The following ROBO1 variants were observed in gnomAD, a reference collection of about 807,000 sequenced individuals.
The protein encoded by ROBO1 is roundabout homolog 1.
In ROBO1, 149 loss-of-function variants were observed where a neutral mutation model predicts 195.9. The ratio of observed to expected loss-of-function variants is 0.76; its 90% confidence interval spans 0.67 to 0.87. The LOEUF (loss-of-function observed/expected upper bound fraction) is 0.87. Among genes scored for constraint, ROBO1 ranks in the 40% least tolerant of loss-of-function variants. ROBO1 has a pLI of 0.00. For missense variants in ROBO1, 1,933 were observed against 2,068.3 expected (o/e 0.93, Z 1.27); for synonymous variants, 816 against 733.2 (o/e 1.11, Z -1.82).
In ROBO1 at chr3:78,747,439, A is replaced by T. The variant is rs142949746; in HGVS notation, c.500-539T>A. Among the ~76,000 whole-genome samples, 453 of 152,326 alleles carry T rather than the reference A, an allele frequency of 3.0e-3. 6 individuals are homozygous for T. Among genetic ancestry groups the T allele is most frequent in the African/African-American group, 1.0e-2 (415 of 41,582 alleles). On this transcript the variant is annotated intron_variant, in intron 4 of 30. Transcript: ENST00000464233. ...AATCATCATAATTTAAATATGCTCA[A>T]TATAAAAACTTTAGACATATCTACA...
chr3:78,825,509 A>C (rs996218117), intron 4 of ROBO1, among the ~76,000 whole-genome samples: 1 of 152,196 alleles, frequency 6.6e-6, no homozygotes, highest in Admixed American at 6.6e-5. Flanking sequence ...GATGGTGCTC[A>C]TAAAGACAGG....
chr3:78,830,892 T>TTTTG (rs146858260), intron 4 of ROBO1, among the ~76,000 whole-genome samples: 7 of 151,798 alleles, frequency 4.6e-5, no homozygotes, highest in African/African-American at 1.5e-4. Context: ...TTTTTGTGTT[T>TTTTG]TTTGTTTGTT....
chr3:78,902,220 T>A (rs1055115353), intron 4 of ROBO1, among the ~76,000 whole-genome samples: 2 of 152,178 alleles, frequency 1.3e-5, no homozygotes, highest in Non-Finnish European at 2.9e-5. Flanking sequence ...TAAGAAAATA[T>A]ATGCTTATAT....
chr3:79,714,654 G>C (rs1452975540), intron 1 of ROBO1, among the ~76,000 whole-genome samples: 1 of 151,776 alleles, frequency 6.6e-6, no homozygotes, highest in African/African-American at 2.4e-5. Flanking sequence ...ATACATCATG[G>C]AATACTATGC....
chr3:78,817,684 G>T (rs1019919901), intron 4 of ROBO1, among the ~76,000 whole-genome samples: 1 of 152,156 alleles, frequency 6.6e-6, no homozygotes, highest in Non-Finnish European at 1.5e-5. Flanking sequence ...AATACTCAAA[G>T]ATTTTTTTGA....
At chr3:79,575,329 T>A (rs1184102565) in intron 2 of ROBO1, among the ~76,000 whole-genome samples, 1 of 124,318 alleles carries the variant, frequency 8.0e-6, no homozygotes, top group African/African-American at 3.1e-5. Context: ...AACATATATA[T>A]AAATATATAT....
At chr3:79,659,087 A>G (rs1946253691) in intron 1 of ROBO1, among the ~76,000 whole-genome samples, 1 of 152,062 alleles carries the variant, frequency 6.6e-6, no homozygotes, top group Non-Finnish European at 1.5e-5. Context: ...ATAAATGTTC[A>G]GTTTTACATC....
intron 2 of ROBO1, among the ~76,000 whole-genome samples, chr3:79,342,179 T>A (rs1037526485): frequency 7.9e-5 from 12 of 152,148 alleles, no homozygotes; most frequent in African/African-American, 2.4e-4. Flanking sequence ...GGACCTTGAA[T>A]TATAGGCCAA....
chr3:79,071,321 C>G (rs1415601401), intron 3 of ROBO1, among the ~76,000 whole-genome samples: 2 of 151,732 alleles, frequency 1.3e-5, no homozygotes, highest in Non-Finnish European at 2.9e-5. Flanking sequence ...CCTACTTCAT[C>G]CTTCCTTATT....
intron 2 of ROBO1, among the ~76,000 whole-genome samples, chr3:79,435,235 A>C (rs1227255971): frequency 6.6e-6 from 1 of 152,088 alleles, no homozygotes; most frequent in Non-Finnish European, 1.5e-5. Flanking sequence ...AATAAAAATA[A>C]AACAAGGTTC....
chr3:79,653,402 C>T (rs989908918), intron 1 of ROBO1, among the ~76,000 whole-genome samples: 3 of 151,860 alleles, frequency 2.0e-5, no homozygotes, highest in Non-Finnish European at 1.5e-5. Context: ...AAGCTAAAAA[C>T]CTCTCTCATA....
intron 28 of ROBO1, among the ~76,000 whole-genome samples, chr3:78,608,085 A>G (rs888822993): frequency 6.6e-6 from 1 of 152,058 alleles, no homozygotes; most frequent in Non-Finnish European, 1.5e-5. Flanking sequence ...TAAGTAATAC[A>G]TATTACATAT....
chr3:79,755,813 C>A (rs17017139), intron 1 of ROBO1, among the ~76,000 whole-genome samples: 1 of 152,164 alleles, frequency 6.6e-6, no homozygotes, highest in African/African-American at 2.4e-5. Flanking sequence ...CTGCAATTCA[C>A]GATCTCAGCA....
At chr3:79,410,129 G>C (rs112600253) in intron 2 of ROBO1, among the ~76,000 whole-genome samples, 31 of 152,186 alleles carry the variant, frequency 2.0e-4, no homozygotes, top group African/African-American at 7.5e-4. Context: ...TTAACGGAGT[G>C]AATGTTTCTG....
At chr3:79,103,919 G>T (rs1008148915) in intron 3 of ROBO1, among the ~76,000 whole-genome samples, 3 of 151,704 alleles carry the variant, frequency 2.0e-5, no homozygotes, top group African/African-American at 7.3e-5. Flanking sequence ...TTTCAATTTA[G>T]CAAATATTAT....
At chr3:78,819,360 G>A (rs915430294) in intron 4 of ROBO1, among the ~76,000 whole-genome samples, 9 of 147,370 alleles carry the variant, frequency 6.1e-5, no homozygotes, top group Non-Finnish European at 1.3e-4. Flanking sequence ...AAATGTTTTT[G>A]TAGTTTTTCT....
intron 2 of ROBO1, among the ~76,000 whole-genome samples, chr3:79,245,179 T>C (rs1429557959): frequency 6.6e-6 from 1 of 152,124 alleles, no homozygotes; most frequent in African/African-American, 2.4e-5. Context: ...TGTTCTTCAG[T>C]AAGAAACGTT....
At chr3:78,788,006 C>T (rs536404540) in intron 4 of ROBO1, among the ~76,000 whole-genome samples, 1 of 143,446 alleles carries the variant, frequency 7.0e-6, no homozygotes, top group South Asian at 2.3e-4. Flanking sequence ...GGGGCACGAT[C>T]TCGGCTCACT....
At chr3:79,160,685 G>A (rs2080942265) in intron 2 of ROBO1, among the ~76,000 whole-genome samples, 2 of 152,022 alleles carry the variant, frequency 1.3e-5, no homozygotes, top group African/African-American at 4.8e-5. Flanking sequence ...CAAAAAAACT[G>A]TGGTTTTATT....
Sources: allele counts gnomAD v4.1 joint callset (sites outside exome capture counted in the v4.1 genomes callset), GRCh38; gene constraint gnomAD v4.1.1; transcripts MANE v1.5; gene names NCBI Gene and HGNC (gene_info 2026-07-23, HGNC 2026-07-21).